Variants in FANCC observed in about 807,000 individuals in gnomAD.
The protein encoded by FANCC is Fanconi anemia group C protein.
FANCC carries 55 observed loss-of-function variants against 71.3 expected under a neutral mutation model. The observed-to-expected ratio is 0.77, with a 90% CI of 0.62 to 0.97. The LOEUF (loss-of-function observed/expected upper bound fraction) is 0.97. Ranked by LOEUF, FANCC falls within the 50% of genes least tolerant of loss-of-function variation. FANCC has a pLI of 0.00. For missense variants in FANCC, 678 were observed against 670.9 expected (o/e 1.01, Z -0.12); for synonymous variants, 275 against 244.9 (o/e 1.12, Z -1.15).
intron 13 of FANCC, among the ~76,000 whole-genome samples, chr9:95,108,504 C>T (rs923388542): frequency 6.6e-6 from 1 of 152,226 alleles, no homozygotes; most frequent in South Asian, 2.1e-4. Flanking sequence ...GGTCTATCTT[C>T]CTTTATGTCT....
intron 7 of FANCC, 137 bp from the exon 8 acceptor site, chr9:95,135,639 T>C (rs900788535): frequency 2.8e-6 from 2 of 711,466 alleles, no homozygotes; most frequent in Non-Finnish European, 4.8e-6. Flanking sequence ...TAATAATTTA[T>C]AGAATCAGTG....
In FANCC at chr9:95,115,029, C is replaced by T. The variant is rs76208404; in HGVS notation, c.1073-319G>A. Among the ~76,000 whole-genome samples the T allele has an allele frequency of 3.7e-3, 566 of 152,314 alleles. 2 individuals are homozygous for T. Among genetic ancestry groups the T allele is most frequent in the African/African-American group, 0.013 (552 of 41,554 alleles). On this transcript the variant is annotated intron_variant, in intron 11 of 14. Coordinates refer to ENST00000289081, the MANE Select transcript of FANCC (RefSeq NM_000136.3). ...GATCCTGGTTCACTGCAGCCCCAAC[C>T]TCCTGGGCTCAAGCGATCTTCCTAC...
intron 1 of FANCC, among the ~76,000 whole-genome samples, chr9:95,254,629 G>C (rs533102473): frequency 5.9e-5 from 9 of 152,354 alleles, no homozygotes; most frequent in African/African-American, 1.7e-4. Flanking sequence ...AGGGCCCTGG[G>C]TTTTAAGCAC....
intron 1 of FANCC, among the ~76,000 whole-genome samples, chr9:95,298,071 C>G (rs1834497321): frequency 4.6e-5 from 7 of 151,988 alleles, no homozygotes; most frequent in Admixed American, 4.6e-4. Flanking sequence ...GAAAATGGAC[C>G]ACCAGGGGAG....
chr9:95,109,502 T>C (rs1481752136), intron 13 of FANCC: 2 of 152,054 alleles, frequency 1.3e-5, no homozygotes, highest in African/African-American at 2.4e-5. Context: ...TTCTTAAGGG[T>C]ATCTAAACGA....
At chr9:95,245,334 C>T (rs559828094) in intron 3 of FANCC, among the ~76,000 whole-genome samples, 30 of 152,036 alleles carry the variant, frequency 2.0e-4, no homozygotes, top group African/African-American at 7.0e-4. Flanking sequence ...ACATGGACTG[C>T]ACAGAATAAT....
chr9:95,224,226 G>A (rs1310111954), intron 4 of FANCC, among the ~76,000 whole-genome samples: 1 of 152,106 alleles, frequency 6.6e-6, no homozygotes, highest in Non-Finnish European at 1.5e-5. Context: ...GCGTGTCTCA[G>A]AATCATAGAA....
intron 8 of FANCC, 124 bp from the exon 9 acceptor site, chr9:95,126,705 G>T: frequency 1.0e-6 from 1 of 976,570 alleles, no homozygotes; most frequent in Non-Finnish European, 1.6e-6. Context: ...ACTCCTTTTG[G>T]TTAGAAGAAC....
intron 1 of FANCC, among the ~76,000 whole-genome samples, chr9:95,266,974 TAAAAA>T (rs1219225205): frequency 6.6e-6 from 1 of 151,502 alleles, no homozygotes; most frequent in East Asian, 1.9e-4. Flanking sequence ...AGGGGAAACA[TAAAAA>T]GAAAAAAGGA....
chr9:95,272,347 C>A (rs995624099), intron 1 of FANCC, among the ~76,000 whole-genome samples: 2 of 152,112 alleles, frequency 1.3e-5, no homozygotes, highest in South Asian at 4.2e-4. Flanking sequence ...TTTCATTGCT[C>A]AATGATATAT....
chr9:95,209,868 A>G (rs1425543746), intron 4 of FANCC, among the ~76,000 whole-genome samples: 2 of 152,168 alleles, frequency 1.3e-5, no homozygotes, highest in Non-Finnish European at 2.9e-5. Context: ...CAGCCTGCTA[A>G]AGATTGTAAC....
intron 7 of FANCC, among the ~76,000 whole-genome samples, chr9:95,146,759 C>T (rs1384547484): frequency 6.6e-6 from 1 of 151,768 alleles, no homozygotes; most frequent in African/African-American, 2.4e-5. Flanking sequence ...GTCATGACTA[C>T]AGCAGTAGTC....
intron 4 of FANCC, among the ~76,000 whole-genome samples, chr9:95,214,515 G>A (rs1828727243): frequency 6.6e-6 from 1 of 152,148 alleles, no homozygotes; most frequent in African/African-American, 2.4e-5. Flanking sequence ...ATACTTAAAA[G>A]AACTGAAAGC....
intron 4 of FANCC, among the ~76,000 whole-genome samples, chr9:95,228,319 C>G (rs760985055): frequency 2.8e-4 from 42 of 152,152 alleles, no homozygotes; most frequent in Non-Finnish European, 5.3e-4. Context: ...CTCCAAAATG[C>G]GTCCCAAACT....
intron 1 of FANCC, among the ~76,000 whole-genome samples, chr9:95,269,594 G>T (rs1173711583): frequency 6.6e-6 from 1 of 152,200 alleles, no homozygotes; most frequent in Non-Finnish European, 1.5e-5. Flanking sequence ...TACAACTGAA[G>T]GCAAAGAGCG....
At chr9:95,108,153 G>A (rs777429691) in intron 13 of FANCC, among the ~76,000 whole-genome samples, 2 of 152,078 alleles carry the variant, frequency 1.3e-5, no homozygotes, top group Non-Finnish European at 2.9e-5. Flanking sequence ...TTTTTCCCTG[G>A]AAGTCAAGGC....
intron 6 of FANCC, among the ~76,000 whole-genome samples, chr9:95,155,993 T>A (rs1564703868): frequency 6.6e-6 from 1 of 151,780 alleles, no homozygotes; most frequent in East Asian, 1.9e-4. Flanking sequence ...CCCAAATTGC[T>A]GGGATTACAG....
Position 95,203,528 on chromosome 9 carries a change from T to G in FANCC, c.346-31381A>C, listed in dbSNP as rs1026595748. Among the ~76,000 whole-genome samples the G allele has an allele frequency of 3.3e-5, 5 of 152,244 alleles. No individual in the cohort carries two copies. In the Middle Eastern group the frequency reaches 0.01, roughly 311 times the overall value. ...AAGTTTGATTTTAGAACCACAGCAATAATCCCAATTGTATATATTAGCAGT... is the reference window on the plus strand; with the variant it reads ...AAGTTTGATTTTAGAACCACAGCAAGAATCCCAATTGTATATATTAGCAGT... On this transcript the variant is annotated intron_variant, in intron 4 of 14. Transcript: ENST00000289081.
chr9:95,234,699 T>A (rs1830198420), intron 4 of FANCC, among the ~76,000 whole-genome samples: 1 of 152,126 alleles, frequency 6.6e-6, no homozygotes, highest in Non-Finnish European at 1.5e-5. Context: ...GGATTTATTA[T>A]AAGGAATCAG....
Sources: gnomAD v4.1 joint callset for allele counts (sites outside exome capture counted in the v4.1 genomes callset) on GRCh38, gnomAD v4.1.1 for gene constraint, MANE v1.5 for transcripts, NCBI Gene and HGNC (gene_info 2026-07-23, HGNC 2026-07-21) for gene names.